Variants in BIRC6 observed in about 807,000 individuals in gnomAD.
BIRC6 encodes the protein dual E2 ubiquitin-conjugating enzyme/E3 ubiquitin-protein ligase BIRC6.
A neutral mutation model predicts 503.3 loss-of-function variants in BIRC6; 98 were observed. The observed-to-expected ratio is 0.19, with a 90% CI of 0.17 to 0.23. BIRC6 has a LOEUF of 0.23. BIRC6 is among the 10% of genes least tolerant of loss of function. BIRC6 has a pLI of 1.00. For missense variants in BIRC6, 5,360 were observed against 5,806.0 expected (o/e 0.92, Z 2.50); for synonymous variants, 2,240 against 2,078.7 (o/e 1.08, Z -2.11).
intron 22 of BIRC6, among the ~76,000 whole-genome samples, chr2:32,453,066 A>G (rs1480758423): frequency 6.7e-6 from 1 of 150,254 alleles, no homozygotes; most frequent in Non-Finnish European, 1.5e-5. Context: ...AATGAGTGCT[A>G]ATTCCAAAAA....
At chr2:32,480,480 G>A (rs2050258225) in intron 37 of BIRC6, among the ~76,000 whole-genome samples, 1 of 152,026 alleles carries the variant, frequency 6.6e-6, no homozygotes, top group African/African-American at 2.4e-5. Flanking sequence ...ATAAAGTTAT[G>A]TTGAATAAGA....
intron 65 of BIRC6, among the ~76,000 whole-genome samples, chr2:32,559,779 G>A (rs2059031544): frequency 6.6e-6 from 1 of 151,836 alleles, no homozygotes; most frequent in African/African-American, 2.4e-5. Context: ...CCAGCACTTT[G>A]GGAGGCCAAG....
chr2:32,518,780 A>T (rs777689384), intron 56 of BIRC6, 37 bp from the exon 57 acceptor site: 4 of 1,596,828 alleles, frequency 2.5e-6, no homozygotes, highest in East Asian at 2.2e-5. Context: ...TATTCCAAAA[A>T]GTTACTTCCT....
intron 63 of BIRC6, 81 bp from the exon 64 acceptor site, chr2:32,547,769 A>G (rs1158724671): frequency 7.9e-7 from 1 of 1,267,766 alleles, no homozygotes; most frequent in Non-Finnish European, 1.1e-6. Flanking sequence ...TAGCTTCATC[A>G]TTTTACTTTC....
At chr2:32,581,200 T>C (rs1274972201) in intron 66 of BIRC6, among the ~76,000 whole-genome samples, 1 of 152,234 alleles carries the variant, frequency 6.6e-6, no homozygotes, top group African/African-American at 2.4e-5. Context: ...CATGTCTTCC[T>C]GTTCCTCTAC....
intron 62 of BIRC6, among the ~76,000 whole-genome samples, 164 bp downstream of exon 62, chr2:32,543,705 A>T (rs1193575044): frequency 6.6e-6 from 1 of 152,228 alleles, no homozygotes; most frequent in Non-Finnish European, 1.5e-5. Flanking sequence ...AATAAATCCT[A>T]AAGAATCTTC....
intron 66 of BIRC6, among the ~76,000 whole-genome samples, chr2:32,578,439 A>G (rs2060410793): frequency 6.6e-6 from 1 of 152,130 alleles, no homozygotes; most frequent in African/African-American, 2.4e-5. Flanking sequence ...TGTTCTGTTA[A>G]TGTATCACTT....
At chr2:32,376,482 T>G (rs1234206658) in intron 1 of BIRC6, among the ~76,000 whole-genome samples, 1 of 152,196 alleles carries the variant, frequency 6.6e-6, no homozygotes, top group African/African-American at 2.4e-5. Context: ...AATTTTAACT[T>G]TATAGTAGAT....
chr2:32,424,787 A>G (rs868846170), intron 10 of BIRC6, among the ~76,000 whole-genome samples: 1 of 152,116 alleles, frequency 6.6e-6, no homozygotes, highest in Admixed American at 6.6e-5. Context: ...TGCTGGGATT[A>G]CAGGTGTGAG....
chr2:32,530,273 C>T lies in BIRC6; in HGVS notation c.12094+449C>T, dbSNP rs1395280633. ...TCTCCCAGGTCGGAGTGCAGAGGCACGATCTTAGTTCACTGCAACCTCCGC... is the reference window on the plus strand; with the variant it reads ...TCTCCCAGGTCGGAGTGCAGAGGCATGATCTTAGTTCACTGCAACCTCCGC... On this transcript the variant is annotated intron_variant, in intron 60 of 73. Transcript: ENST00000421745. 2.6e-5 allele frequency among the ~76,000 whole-genome samples: 4 copies of T among 152,122 alleles called. No individual in the cohort carries two copies. The East Asian group carries it at 7.7e-4, about 29-fold the overall frequency.
In BIRC6 at chr2:32,577,461, C is replaced by T. The variant is rs139224574; in HGVS notation, c.13355+2095C>T. Among the ~76,000 whole-genome samples the T allele has an allele frequency of 1.1e-3, 174 of 152,242 alleles. 1 individual carries two copies. The Middle Eastern group carries it at 0.014, about 12-fold the overall frequency. On this transcript the variant is annotated intron_variant, in intron 66 of 73. Transcript: ENST00000421745. ...TTTTAGGTTTAGCCTTGATTAAAAA[C>T]AGTATCACACATTTATAGTGTTACA...
intron 1 of BIRC6, among the ~76,000 whole-genome samples, chr2:32,371,484 C>G (rs1376257393): frequency 1.3e-5 from 2 of 151,586 alleles, no homozygotes; most frequent in Non-Finnish European, 2.9e-5. Flanking sequence ...AAGTGAGTCT[C>G]CTGCCTCAGC....
chr2:32,513,613 A>G (rs2054670546), intron 54 of BIRC6, among the ~76,000 whole-genome samples: 1 of 152,112 alleles, frequency 6.6e-6, no homozygotes, highest in Non-Finnish European at 1.5e-5. Flanking sequence ...TCTGTACAAA[A>G]ATGCAGAAGT....
chr2:32,490,497 T>A (rs2051561385), intron 43 of BIRC6, among the ~76,000 whole-genome samples: 1 of 152,200 alleles, frequency 6.6e-6, no homozygotes, highest in Non-Finnish European at 1.5e-5. Flanking sequence ...ATCACGCCAC[T>A]GCACACCAGC....
chr2:32,529,310 G>A (rs962887392), intron 59 of BIRC6: 4 of 197,012 alleles, frequency 2.0e-5, no homozygotes, highest in Admixed American at 5.8e-5. Context: ...TAGATTAGCA[G>A]TTGTAACAGA....
At chr2:32,439,182 T>TGC (rs1413095043) in intron 15 of BIRC6, among the ~76,000 whole-genome samples, 1 of 151,520 alleles carries the variant, frequency 6.6e-6, no homozygotes, top group African/African-American at 2.4e-5. Flanking sequence ...GTTTTGTGTG[T>TGC]GTGTGTGCGT....
intron 31 of BIRC6, among the ~76,000 whole-genome samples, chr2:32,470,778 T>G (rs748008379): frequency 6.6e-6 from 1 of 152,240 alleles, no homozygotes; most frequent in Non-Finnish European, 1.5e-5. Flanking sequence ...GGATTCAGCC[T>G]GCACTTAATC....
At chr2:32,452,122 A>T (rs955268376) in intron 22 of BIRC6, among the ~76,000 whole-genome samples, 2 of 152,208 alleles carry the variant, frequency 1.3e-5, no homozygotes, top group Admixed American at 1.3e-4. Context: ...AAGCATTTTA[A>T]AATATTCTTT....
intron 23 of BIRC6, among the ~76,000 whole-genome samples, chr2:32,461,014 TCTCTTCTC>T (rs2047850151): frequency 1.9e-5 from 1 of 52,948 alleles, no homozygotes; most frequent in Admixed American, 1.9e-4. Context: ...TCTCTTCTCT[TCTCTTCTC>T]TTCTCTTCTC....
Sources: gnomAD v4.1 joint callset for allele counts (sites outside exome capture counted in the v4.1 genomes callset) on GRCh38, gnomAD v4.1.1 for gene constraint, MANE v1.5 for transcripts, NCBI Gene and HGNC (gene_info 2026-07-23, HGNC 2026-07-21) for gene names.